SPRED2: variants seen among roughly 807,000 people sequenced by gnomAD.
The protein encoded by SPRED2 is sprouty-related, EVH1 domain-containing protein 2.
SPRED2 carries 47 observed loss-of-function variants against 43.0 expected under a neutral mutation model. The ratio of observed to expected loss-of-function variants is 1.09; its 90% CI spans 0.87 to 1.40. SPRED2 has a LOEUF of 1.40. Among genes scored for constraint, SPRED2 ranks in the 40% most tolerant of loss-of-function variants. The pLI, the probability that SPRED2 is intolerant of heterozygous loss-of-function variation, is 0.00. For synonymous variants in SPRED2, 225 were observed against 225.7 expected, an observed-to-expected ratio of 1.00 and a Z score of 0.03; for missense variants, 561 against 586.4, an observed-to-expected ratio of 0.96 and a Z score of 0.45.
At chr2:65,349,129 A>G (rs2104281653) in intron 1 of SPRED2, among the ~76,000 whole-genome samples, 1 of 152,194 alleles carries the variant, frequency 6.6e-6, no homozygotes, top group South Asian at 2.1e-4. Flanking sequence ...CAACATGGTG[A>G]AACCCCGTCT....
chr2:65,314,313 C>A, intron 5 of SPRED2, 144 bp from the exon 6 acceptor site: 1 of 780,180 alleles, frequency 1.3e-6, no homozygotes, highest in East Asian at 2.7e-5. Flanking sequence ...AAGAAACAGA[C>A]CCTTCCTGAA....
chr2:65,394,151 T>C (rs2103695860), intron 1 of SPRED2, among the ~76,000 whole-genome samples: 1 of 152,350 alleles, frequency 6.6e-6, no homozygotes, highest in South Asian at 2.1e-4. Context: ...TATGTAAATT[T>C]TTTAAAGTCC....
At chr2:65,381,576 G>C (rs949177596) in intron 1 of SPRED2, among the ~76,000 whole-genome samples, 1 of 152,216 alleles carries the variant, frequency 6.6e-6, no homozygotes, top group Non-Finnish European at 1.5e-5. Flanking sequence ...CATACAGCAA[G>C]CCCTTAATAC....
intron 1 of SPRED2, among the ~76,000 whole-genome samples, chr2:65,401,932 C>T (rs1367937533): frequency 8.5e-6 from 1 of 117,890 alleles, no homozygotes; most frequent in Admixed American, 8.5e-5. Context: ...TATTAGCGCG[C>T]GCGCGCACAC....
At position 65,432,226 on chromosome 2, in the gene SPRED2, G is replaced by C; in HGVS notation, c.-239C>G. Reference sequence around the variant, plus strand: ...ACGCCGCAGCGCCGTGGGGAGAGGCGGGCGGAGGCTCCGGGGGCTCGGGAG... The same window carrying C: ...ACGCCGCAGCGCCGTGGGGAGAGGCCGGCGGAGGCTCCGGGGGCTCGGGAG... On this transcript the variant is annotated 5_prime_UTR_variant, in exon 1 of 6. Coordinates refer to ENST00000356388, the MANE Select transcript of SPRED2 (RefSeq NM_181784.3). 1 of 549,188 alleles carries C rather than the reference G, an allele frequency of 1.8e-6. No individual in the cohort carries two copies. The highest frequency in any genetic ancestry group is 3.3e-6 in the Non-Finnish European group (1 of 306,196). 34.0% of individuals were successfully genotyped at this position (549,188 alleles called of 1,614,324 possible).
chr2:65,419,321 T>C (rs1424461923), intron 1 of SPRED2, among the ~76,000 whole-genome samples: 2 of 152,168 alleles, frequency 1.3e-5, no homozygotes, highest in Non-Finnish European at 2.9e-5. Flanking sequence ...ATACATAGTC[T>C]GTAGGTTAGA....
chr2:65,345,411 C>G (rs1674324702), intron 1 of SPRED2, among the ~76,000 whole-genome samples: 1 of 151,992 alleles, frequency 6.6e-6, no homozygotes, highest in Non-Finnish European at 1.5e-5. Flanking sequence ...TAGGCACCTG[C>G]CACCATGCCT....
chr2:65,416,580 G>C (rs552826859), intron 1 of SPRED2, among the ~76,000 whole-genome samples: 1 of 152,272 alleles, frequency 6.6e-6, no homozygotes, highest in East Asian at 1.9e-4. Flanking sequence ...CAGAGGGGAG[G>C]GGGGTCGCTG....
intron 5 of SPRED2, 80 bp downstream of exon 5, chr2:65,316,654 C>A: frequency 1.3e-6 from 2 of 1,510,402 alleles, no homozygotes; most frequent in Non-Finnish European, 1.8e-6. Flanking sequence ...TGGAATTTGG[C>A]TGAATAGGAG....
At chr2:65,401,637 A>C (rs962264391) in intron 1 of SPRED2, among the ~76,000 whole-genome samples, 1 of 151,580 alleles carries the variant, frequency 6.6e-6, no homozygotes, top group Admixed American at 6.6e-5. Flanking sequence ...CTACTAAAAA[A>C]ATACAAAAAA....
In SPRED2 at chr2:65,316,893, G is replaced by A. The variant is rs754075641; in HGVS notation, c.439-10C>T. 2.5e-6 allele frequency: 4 copies of A among 1,601,894 alleles called. No homozygotes were observed. Among genetic ancestry groups the A allele is most frequent in the African/African-American group, 2.8e-5 (2 of 71,298 alleles). On this transcript the variant is annotated splice_polypyrimidine_tract_variant and intron_variant, in intron 4 of 5. Transcript: ENST00000356388. Reference sequence around the variant, plus strand: ...AACTGTCTGTAGCTGTCTGTGTAGAGGGAGGTAACCAAGAGTCAATTTAAA... The same window carrying A: ...AACTGTCTGTAGCTGTCTGTGTAGAAGGAGGTAACCAAGAGTCAATTTAAA...
intron 1 of SPRED2, among the ~76,000 whole-genome samples, chr2:65,376,471 A>G (rs1385722751): frequency 2.6e-5 from 4 of 152,182 alleles, no homozygotes; most frequent in Admixed American, 2.6e-4. Flanking sequence ...ATTGTTCTGT[A>G]TAGGTATCAT....
At chr2:65,314,986 A>G (rs1406109510) in intron 5 of SPRED2, among the ~76,000 whole-genome samples, 1 of 152,246 alleles carries the variant, frequency 6.6e-6, no homozygotes, top group Non-Finnish European at 1.5e-5. Context: ...AGAAACCTGC[A>G]AATCTAAGCT....
rs547330662 is a variant in SPRED2 at position 65,419,727 on chromosome 2, A to T, written c.26+12235T>A. 1.9e-4 allele frequency among the ~76,000 whole-genome samples: 29 copies of T among 152,308 alleles called. 1 individual carries two copies. Among genetic ancestry groups the T allele is most frequent in the Admixed American group, 1.6e-3 (25 of 15,300 alleles). On this transcript the variant is annotated intron_variant, in intron 1 of 5. Transcript: ENST00000356388. Reference sequence around the variant, plus strand: ...TCTACAAATGTAGCTACATACTCTGAAAGACAGTAATACATATGCTTGGGA... The same window carrying T: ...TCTACAAATGTAGCTACATACTCTGTAAGACAGTAATACATATGCTTGGGA...
intron 1 of SPRED2, among the ~76,000 whole-genome samples, chr2:65,391,733 T>C (rs1675640629): frequency 6.6e-6 from 1 of 152,208 alleles, no homozygotes; most frequent in South Asian, 2.1e-4. Flanking sequence ...AAAAGAAGTA[T>C]TACAGGTTAC....
intron 1 of SPRED2, among the ~76,000 whole-genome samples, chr2:65,354,958 G>C (rs552131732): frequency 6.6e-6 from 1 of 152,338 alleles, no homozygotes; most frequent in East Asian, 1.9e-4. Flanking sequence ...CTTGAGGTGA[G>C]TAATGCACCT....
chr2:65,415,953 C>T (rs542606431), intron 1 of SPRED2, among the ~76,000 whole-genome samples: 33 of 152,218 alleles, frequency 2.2e-4, no homozygotes, highest in African/African-American at 7.7e-4. Flanking sequence ...CTTTTAAATA[C>T]CACCCAGTAT....
chr2:65,339,200 C>T (rs1366532078), intron 2 of SPRED2, among the ~76,000 whole-genome samples: 2 of 149,570 alleles, frequency 1.3e-5, no homozygotes, highest in African/African-American at 5.0e-5. Flanking sequence ...CCCCTCTGCC[C>T]AGCCACCACC....
intron 1 of SPRED2, among the ~76,000 whole-genome samples, chr2:65,431,378 C>T (rs1004261975): frequency 9.9e-5 from 15 of 151,436 alleles, no homozygotes; most frequent in African/African-American, 3.6e-4. Context: ...GGCTCCAGCA[C>T]GCCGGCCCGC....
Sources: gnomAD v4.1 joint callset for allele counts (sites outside exome capture counted in the v4.1 genomes callset) on GRCh38, gnomAD v4.1.1 for gene constraint, MANE v1.5 for transcripts, NCBI Gene and HGNC (gene_info 2026-07-23, HGNC 2026-07-21) for gene names.